Variants in HERC1 observed in about 807,000 individuals in gnomAD.
HERC1 encodes the protein HECT and RLD domain containing E3 ubiquitin protein ligase family member 1.
HERC1 carries 160 observed loss-of-function variants against 554.3 expected under a neutral mutation model. That is an observed-to-expected ratio of 0.29 (90% CI 0.25 to 0.33). The LOEUF (loss-of-function observed/expected upper bound fraction) is 0.33. Among genes scored for constraint, HERC1 ranks in the 10% least tolerant of loss-of-function variants. HERC1 has a pLI of 1.00. For synonymous variants in HERC1, 2,175 were observed against 2,131.7 expected (o/e 1.02, Z -0.56); for missense variants, 4,919 against 5,918.5 (o/e 0.83, Z 5.54).
At chr15:63,788,240 A>T (rs952234962) in intron 1 of HERC1, among the ~76,000 whole-genome samples, 12 of 152,200 alleles carry the variant, frequency 7.9e-5, no homozygotes, top group African/African-American at 2.9e-4. Context: ...TGTTATCTGC[A>T]CCTAACACAG....
At chr15:63,643,652 G>A in intron 57 of HERC1, 102 bp from the exon 58 acceptor site, 1 of 854,286 alleles carries the variant, frequency 1.2e-6, no homozygotes, top group South Asian at 2.5e-5. Context: ...GAATAAAATT[G>A]GCAAGGGGGA....
chr15:63,674,286 T>C (rs1490945592), intron 38 of HERC1, 56 bp downstream of exon 38: 4 of 1,443,388 alleles, frequency 2.8e-6, no homozygotes, highest in Middle Eastern at 1.8e-4. Context: ...TTCTGACAAT[T>C]ATGAAAATAA....
intron 1 of HERC1, among the ~76,000 whole-genome samples, chr15:63,811,370 G>A (rs923357389): frequency 1.3e-5 from 2 of 152,128 alleles, no homozygotes; most frequent in Non-Finnish European, 2.9e-5. Flanking sequence ...GAAAAAAGCA[G>A]TTGCACCAAA....
intron 2 of HERC1, among the ~76,000 whole-genome samples, chr15:63,767,406 T>A (rs185816065): frequency 6.6e-6 from 1 of 151,742 alleles, no homozygotes; most frequent in East Asian, 2.0e-4. Flanking sequence ...ACTGGGCAGA[T>A]AAACAATAAA....
At chr15:63,751,660 T>C (rs2075252437) in intron 8 of HERC1, among the ~76,000 whole-genome samples, 1 of 152,180 alleles carries the variant, frequency 6.6e-6, no homozygotes, top group African/African-American at 2.4e-5. Context: ...TGATCATTAT[T>C]TCATGCTCAA....
intron 45 of HERC1, among the ~76,000 whole-genome samples, chr15:63,661,311 T>C (rs1171114525): frequency 6.6e-6 from 1 of 152,204 alleles, no homozygotes; most frequent in African/African-American, 2.4e-5. Context: ...ATTTTAATAG[T>C]TGACAATTAA....
intron 36 of HERC1, among the ~76,000 whole-genome samples, chr15:63,678,841 C>G (rs1261335796): frequency 6.6e-6 from 1 of 152,152 alleles, no homozygotes; most frequent in Non-Finnish European, 1.5e-5. Flanking sequence ...AACTTGGGTT[C>G]AAATCATAAC....
intron 12 of HERC1, among the ~76,000 whole-genome samples, chr15:63,746,585 T>C (rs1312373233): frequency 1.3e-5 from 2 of 152,188 alleles, no homozygotes; most frequent in African/African-American, 4.8e-5. Flanking sequence ...GACCAAGCCA[T>C]GCCCTAGGTC....
At chr15:63,817,321 T>C (rs117602042) in intron 1 of HERC1, among the ~76,000 whole-genome samples, 2,302 of 152,284 alleles carry the variant, frequency 0.015, 41 homozygotes, top group East Asian at 0.082. Context: ...ATAATGTTAT[T>C]ATGGTTATGC....
chr15:63,814,988 CTAAA>C (rs1026059601), intron 1 of HERC1, among the ~76,000 whole-genome samples: 3 of 152,154 alleles, frequency 2.0e-5, no homozygotes, highest in African/African-American at 7.2e-5. Flanking sequence ...GAGTGGGGTC[CTAAA>C]TGAGTTCCAA....
At chr15:63,659,078 T>A (rs994932103) in intron 47 of HERC1, among the ~76,000 whole-genome samples, 5 of 152,236 alleles carry the variant, frequency 3.3e-5, no homozygotes, top group African/African-American at 1.2e-4. Flanking sequence ...ATTCTTTATT[T>A]TGTATTCCCT....
chr15:63,746,014 G>A (rs2075041289), intron 12 of HERC1, among the ~76,000 whole-genome samples: 1 of 151,648 alleles, frequency 6.6e-6, no homozygotes, highest in South Asian at 2.1e-4. Flanking sequence ...TTGTTTTTCT[G>A]TTCTTTATTT....
chr15:63,620,100 C>G (rs971383620), intron 74 of HERC1, among the ~76,000 whole-genome samples: 5 of 151,756 alleles, frequency 3.3e-5, no homozygotes, highest in East Asian at 1.9e-4. Context: ...TGTCAATTTT[C>G]GATCTTTCCT....
intron 14 of HERC1, 98 bp downstream of exon 14, chr15:63,732,826 T>A: frequency 2.5e-6 from 2 of 794,812 alleles, no homozygotes; most frequent in Non-Finnish European, 4.1e-6. Flanking sequence ...GGGTCTAGAG[T>A]TTGATTTCTA....
In HERC1 at chr15:63,805,392, C is replaced by CT. The variant is rs569811878; in HGVS notation, c.-27+28434dup. Among the ~76,000 whole-genome samples, 8 of 152,234 alleles carry CT rather than the reference C, an allele frequency of 5.3e-5. No homozygotes were observed. The South Asian group carries it at 1.7e-3, about 32-fold the overall frequency. ...AAGCGAAATAAGCCAGACACAAAGA[C>CT]TACATAACTATGGTTCTAGCTGCAT... On this transcript the variant is annotated intron_variant, in intron 1 of 77. Transcript: ENST00000443617.
Position 63,694,979 on chromosome 15 carries a change from T to C in HERC1, c.5122-85A>G. ...AGAAGTAATAACATTTTATTTCTAG[T>C]CTATGCTAGAGCCTTACGATGGTTT... On this transcript the variant is annotated intron_variant, in intron 27 of 77. Transcript: ENST00000443617. This position sits in a 1 kb window ranked among gnomAD's most constrained non-coding sequence, Gnocchi z 4.3. The C allele has an allele frequency of 1.3e-5, 16 of 1,229,618 alleles. No homozygotes were observed. Among genetic ancestry groups the C allele is most frequent in the Non-Finnish European group, 1.7e-5 (15 of 883,370 alleles). The allele number at this position is 1,229,618 out of a possible 1,614,324, so 76.2% of individuals were successfully genotyped here.
At chr15:63,730,866 T>G (rs1353877576) in intron 14 of HERC1, among the ~76,000 whole-genome samples, 1 of 152,216 alleles carries the variant, frequency 6.6e-6, no homozygotes, top group African/African-American at 2.4e-5. Context: ...AAAAATATTT[T>G]TTAAAAAGAG....
intron 25 of HERC1, among the ~76,000 whole-genome samples, chr15:63,702,007 A>AT (rs1190550567): frequency 6.6e-6 from 1 of 152,166 alleles, no homozygotes; most frequent in Non-Finnish European, 1.5e-5. Context: ...AATTTTTGAG[A>AT]TTGTTTACTT....
chr15:63,672,772 A>G, intron 38 of HERC1, 78 bp from the exon 39 acceptor site: 1 of 921,526 alleles, frequency 1.1e-6, no homozygotes, highest in Non-Finnish European at 1.6e-6. Flanking sequence ...AAAAACTTCT[A>G]CCTGTTTAAT....
Sources: allele counts gnomAD v4.1 joint callset (sites outside exome capture counted in the v4.1 genomes callset), GRCh38; gene constraint gnomAD v4.1.1; non-coding constraint Gnocchi (gnomAD v3.1); transcripts MANE v1.5; gene names NCBI Gene and HGNC (gene_info 2026-07-23, HGNC 2026-07-21).